Variants in FAM200B observed in about 807,000 individuals in gnomAD.
FAM200B encodes the protein protein FAM200B.
In FAM200B, 32 loss-of-function variants were observed where a neutral mutation model predicts 33.1. The ratio of observed to expected loss-of-function variants is 0.97; its 90% CI spans 0.73 to 1.30. FAM200B has a LOEUF of 1.30. Ranked by LOEUF, FAM200B falls within the 50% of genes most tolerant of loss-of-function variation. The pLI is 0.00. For synonymous variants in FAM200B, 240 were observed against 264.8 expected (o/e 0.91, Z 0.91); for missense variants, 741 against 754.0 (o/e 0.98, Z 0.20).
Position 15,687,675 on chromosome 4 carries a change from C to G in FAM200B, c.698C>G (p.Thr233Ser), listed in dbSNP as rs1168151680. ...IDFAIQLDES[T>S]DIGSCTTLLV... is the part of the protein sequence containing the mutation. Reference sequence around the variant, plus strand: ...TTTGCAATCCAGCTTGATGAAAGCACTGATATTGGAAGCTGCACAACACTT... The same window carrying G: ...TTTGCAATCCAGCTTGATGAAAGCAGTGATATTGGAAGCTGCACAACACTT... Residue 233 changes from threonine (T) to serine (S), a missense_variant, in exon 2 of 2, where the codon ACT (threonine) becomes AGT (serine). By Grantham distance (58) the Thr-to-Ser change is moderately conservative. Coordinates refer to ENST00000422728, the MANE Select transcript of FAM200B (RefSeq NM_001145191.2). 1.3e-6 allele frequency: 2 copies of G among 1,551,142 alleles called. No homozygotes were observed. Among genetic ancestry groups the G allele is most frequent in the South Asian group, 1.2e-5 (1 of 84,054 alleles).
At chr4:15,659,255 G>A in the FAM200B span, among the ~76,000 whole-genome samples, 1 of 152,092 alleles carries the variant, frequency 6.6e-6, no homozygotes, top group African/African-American at 2.4e-5. Flanking sequence ...ATTTCTTGCT[G>A]CATGAATGAG....
At chr4:15,683,858 G>A (rs941299436) in intron 1 of FAM200B, among the ~76,000 whole-genome samples, 3 of 152,120 alleles carry the variant, frequency 2.0e-5, no homozygotes, top group Admixed American at 6.5e-5. Context: ...TTTACTACAG[G>A]TGTCATTAAT....
intron 1 of FAM200B, among the ~76,000 whole-genome samples, chr4:15,683,748 T>A (rs1230294845): frequency 6.6e-6 from 1 of 152,224 alleles, no homozygotes; most frequent in Non-Finnish European, 1.5e-5. Flanking sequence ...AAATAATATG[T>A]TTTATTAGCC....
At position 15,688,497 on chromosome 4, in the gene FAM200B, A is replaced by C. The variant is rs1719100666; in HGVS notation, c.1520A>C (p.Glu507Ala). 6 of 1,540,268 alleles carry C rather than the reference A, an allele frequency of 3.9e-6. No individual in the cohort carries two copies. The highest frequency in any genetic ancestry group is 5.3e-6 in the Non-Finnish European group (6 of 1,138,242). Residue 507 changes from glutamate to alanine, a missense_variant, in exon 2 of 2, where the codon GAG (glutamate) becomes GCG (alanine). Physicochemically the swap from Glu to Ala is moderately radical, Grantham distance 107. Transcript: ENST00000422728. ...NENILKEIKL[E>A]ILLHLTSLSQ... ...AACATTTTGAAAGAAATAAAATTAG[A>C]GATATTGTTGCATCTCACTTCTCTG... is the stretch of plus-strand genomic sequence containing the variant.
chr4:15,642,426 G>A, the FAM200B span, among the ~76,000 whole-genome samples: 1 of 151,826 alleles, frequency 6.6e-6, no homozygotes, highest in African/African-American at 2.4e-5. Context: ...AGTAGAGATG[G>A]GGTTTCACCA....
chr4:15,687,494 C>A lies in FAM200B; in HGVS notation c.517C>A (p.Pro173Thr). 2 of 1,550,972 alleles carry A rather than the reference C, an allele frequency of 1.3e-6. No homozygotes were observed. Among genetic ancestry groups the A allele is most frequent in the Non-Finnish European group, 1.7e-6 (2 of 1,146,714 alleles). ...CACAGCTGCTGAAAAAATTATTCTT[C>A]CAGCATGTTTGGATATGGTGCGTAC... The part of the protein sequence containing the change: ...ANTAAEKIIL[P>T]ACLDMVRTIF... The change falls in exon 2 of 2, where the codon CCA becomes ACA. Residue 173 changes from proline (P) to threonine (T), a missense_variant. Transcript: ENST00000422728.
the FAM200B span, chr4:15,655,495 G>A: frequency 9.8e-6 from 6 of 610,446 alleles, no homozygotes; most frequent in South Asian, 4.3e-4. Flanking sequence ...GCGCGCAGAG[G>A]CTCGCGGCTT....
chr4:15,674,656 T>G, the FAM200B span, among the ~76,000 whole-genome samples: 2 of 147,486 alleles, frequency 1.4e-5, no homozygotes, highest in African/African-American at 4.9e-5. Flanking sequence ...ATTTTTGGGT[T>G]TTTTTTTTTT....
chr4:15,641,528 C>T, the FAM200B span: 1 of 415,606 alleles, frequency 2.4e-6, no homozygotes, highest in Non-Finnish European at 4.7e-6. Context: ...GCTTACCTTA[C>T]TGTAAGAATC....
chr4:15,656,684 C>A, the FAM200B span, among the ~76,000 whole-genome samples: 1 of 150,122 alleles, frequency 6.7e-6, no homozygotes, highest in South Asian at 2.1e-4. Flanking sequence ...GCTATACAAC[C>A]GTTAACAAGC....
At chr4:15,672,121 A>ACT in the FAM200B span, among the ~76,000 whole-genome samples, 1 of 152,194 alleles carries the variant, frequency 6.6e-6, no homozygotes. Context: ...CTACTTAGAA[A>ACT]TAGTTTGATG....
chr4:15,685,441 C>T (rs762400773), intron 1 of FAM200B, among the ~76,000 whole-genome samples: 8 of 152,174 alleles, frequency 5.3e-5, no homozygotes, highest in African/African-American at 4.8e-5. Flanking sequence ...TAATTTTGGC[C>T]GACTTCGGGC....
upstream of FAM200B, among the ~76,000 whole-genome samples, chr4:15,678,378 C>G (rs1307986079): frequency 1.3e-5 from 2 of 152,120 alleles, no homozygotes; most frequent in African/African-American, 2.4e-5. Context: ...TGCTGTTTAC[C>G]TCAGTATTGA....
upstream of FAM200B, among the ~76,000 whole-genome samples, chr4:15,679,957 G>A (rs1023783905): frequency 6.6e-6 from 1 of 152,156 alleles, no homozygotes; most frequent in African/African-American, 2.4e-5. Context: ...CTGAAGAGTT[G>A]TTTCTAATAT....
chr4:15,670,914 C>CTT, the FAM200B span, among the ~76,000 whole-genome samples: 56 of 54,178 alleles, frequency 1.0e-3, 8 homozygotes, highest in African/African-American at 4.3e-3. Flanking sequence ...TGTGCGTAGA[C>CTT]TTTTTTTTTT....
the FAM200B span, among the ~76,000 whole-genome samples, chr4:15,662,628 G>A: frequency 2.6e-5 from 4 of 152,124 alleles, no homozygotes; most frequent in Non-Finnish European, 4.4e-5. Flanking sequence ...TGAGCCTCTC[G>A]TCACCATTCC....
chr4:15,653,895 G>A, the FAM200B span, among the ~76,000 whole-genome samples: 2 of 152,168 alleles, frequency 1.3e-5, no homozygotes, highest in African/African-American at 2.4e-5. Context: ...TAGTGACCTA[G>A]ACATCAGGAC....
chr4:15,666,994 TATCA>T, the FAM200B span, among the ~76,000 whole-genome samples: 1 of 151,756 alleles, frequency 6.6e-6, no homozygotes, highest in Non-Finnish European at 1.5e-5. Flanking sequence ...AATTATAAAT[TATCA>T]ATCAAAATAA....
the FAM200B span, among the ~76,000 whole-genome samples, chr4:15,649,235 A>G: frequency 6.6e-6 from 1 of 152,178 alleles, no homozygotes; most frequent in Non-Finnish European, 1.5e-5. Context: ...CCACATGAAA[A>G]GTGCAAACAT....
Sources: gnomAD v4.1 joint callset for allele counts (sites outside exome capture counted in the v4.1 genomes callset) on GRCh38, gnomAD v4.1.1 for gene constraint, MANE v1.5 for transcripts, NCBI Gene and HGNC (gene_info 2026-07-23, HGNC 2026-07-21) for gene names.